The following RPS29 variants were observed in gnomAD, a reference collection of about 807,000 sequenced individuals.
The protein encoded by RPS29 is small ribosomal subunit protein uS14.
For synonymous variants in RPS29, 37 were observed against 26.9 expected, an observed-to-expected ratio of 1.37 and a Z score of -1.16; for missense variants, 60 against 75.7, an observed-to-expected ratio of 0.79 and a Z score of 0.77.
chr14:49,582,589 G>A (rs1881372261), downstream of RPS29, among the ~76,000 whole-genome samples: 1 of 152,226 alleles, frequency 6.6e-6, no homozygotes, highest in East Asian at 1.9e-4. Context: ...ATTCACTACA[G>A]AATTCTGCAT....
At chr14:49,589,115 G>A (rs1365741691), upstream of RPS29, among the ~76,000 whole-genome samples, 1 of 151,622 alleles carries the variant, frequency 6.6e-6, no homozygotes, top group Non-Finnish European at 1.5e-5. Flanking sequence ...GGATGGTCTC[G>A]ATCTCCTGAC....
intron 1 of RPS29, among the ~76,000 whole-genome samples, chr14:49,597,311 G>A (rs1402496854): frequency 1.3e-5 from 2 of 152,068 alleles, no homozygotes; most frequent in African/African-American, 4.8e-5. Flanking sequence ...CCTGCCTCGA[G>A]CCTCCCAAAT....
chr14:49,588,895 TTTTTTTTG>T, upstream of RPS29, among the ~76,000 whole-genome samples: 1 of 123,168 alleles, frequency 8.1e-6, no homozygotes, highest in Non-Finnish European at 1.8e-5. Context: ...TTTTTTTTTT[TTTTTTTTG>T]AGACGGAGTC....
chr14:49,583,538 T>C, downstream of RPS29: 4 of 943,140 alleles, frequency 4.2e-6, no homozygotes, highest in Non-Finnish European at 6.2e-6. Flanking sequence ...TATAAACAAT[T>C]AGCTATTCCA....
exon 3 of RPS29, chr14:49,577,697 T>A: frequency 1.2e-6 from 1 of 848,998 alleles, no homozygotes; most frequent in Non-Finnish European, 2.0e-6. Context: ...TTTCCACCAG[T>A]TACCCTTAAT....
At chr14:49,580,448 C>A (rs1218990201), downstream of RPS29, among the ~76,000 whole-genome samples, 1 of 152,178 alleles carries the variant, frequency 6.6e-6, no homozygotes, top group Non-Finnish European at 1.5e-5. Context: ...ATCACATACA[C>A]CTGGGGTTCA....
intron 2 of RPS29, 66 bp from the exon 3 acceptor site, chr14:49,583,741 A>C: frequency 9.8e-7 from 1 of 1,018,832 alleles, no homozygotes; most frequent in South Asian, 1.4e-5. Context: ...TCTCACAAAA[A>C]AAAGGCTCAT....
intron 1 of RPS29, among the ~76,000 whole-genome samples, chr14:49,591,619 A>ATTTTTTTTTTTTTTTTTTTTTTTTTTATT (rs35067386): frequency 8.5e-6 from 1 of 117,076 alleles, no homozygotes; most frequent in Non-Finnish European, 1.8e-5. Flanking sequence ...GCCCAATTTG[A>ATTTTTTTTTTTTTTTTTTTTTTTTTTATT]TTTTTTTTTT....
At chr14:49,588,876 C>CTTTTTT (rs577408713), upstream of RPS29, among the ~76,000 whole-genome samples, 4 of 92,466 alleles carry the variant, frequency 4.3e-5, 1 homozygote, top group Non-Finnish European at 9.0e-5. Flanking sequence ...TTTCTGAGTC[C>CTTTTTT]TTTTTTTTTT....
rs150721603 is a variant in RPS29, at chr14:49,594,645, C to A, written c.-133+3755G>T. ...CCAGAAAGGCAAAAAGGAAAGGGCT[C>A]ATGTTTGTATGTCTGAGATAAGAAC... On this transcript the variant is annotated intron_variant, in intron 1 of 3. Coordinates refer to the RPS29 transcript ENST00000556230. Among the ~76,000 whole-genome samples the A allele has an allele frequency of 8.5e-4, 130 of 152,344 alleles. 1 individual carries two copies. The highest frequency in any genetic ancestry group is 3.0e-3 in the African/African-American group (125 of 41,576).
intron 1 of RPS29, among the ~76,000 whole-genome samples, chr14:49,592,823 G>A (rs1351420079): frequency 1.3e-5 from 2 of 151,430 alleles, no homozygotes; most frequent in African/African-American, 2.4e-5. Flanking sequence ...CAGGAGAATC[G>A]TTTGAACCCA....
chr14:49,579,278 C>A (rs1594568050), downstream of RPS29, among the ~76,000 whole-genome samples: 1 of 152,342 alleles, frequency 6.6e-6, no homozygotes, highest in Non-Finnish European at 1.5e-5. Flanking sequence ...GACATGAAAT[C>A]TACCAGCACC....
rs889683820 is a variant in RPS29 at position 49,586,158 on chromosome 14, A to C, written c.63-109T>G. ...CTCCCAAGCCACAGTACAGGCCTGT[A>C]ATGGCGGCACCAGCGACTCCCAGTC... On this transcript the variant is annotated intron_variant, in intron 1 of 2. Transcript: ENST00000245458. The C allele has an allele frequency of 6.5e-6, 9 of 1,386,412 alleles. No homozygotes were observed. In the African/African-American group the frequency reaches 9.9e-5, roughly 15 times the overall value. 85.9% of individuals were successfully genotyped at this position (1,386,412 alleles called of 1,614,324 possible).
In RPS29 at chr14:49,598,427, G is replaced by A. The variant is rs780853685; in HGVS notation, c.-160C>T. Reference sequence around the variant, plus strand: ...GCCATGAAAAATTATTTGTTCAGCAGGAATTGCCAAGTCAAATACAGCCAT... The same window carrying A: ...GCCATGAAAAATTATTTGTTCAGCAAGAATTGCCAAGTCAAATACAGCCAT... On this transcript the variant is annotated 5_prime_UTR_variant, in exon 1 of 4. Transcript: ENST00000556230. 4 of 700,936 alleles carry A rather than the reference G, an allele frequency of 5.7e-6. No homozygotes were observed. The South Asian group carries it at 5.9e-5, about 10-fold the overall frequency. 43.4% of individuals were successfully genotyped at this position (700,936 alleles called of 1,614,324 possible).
At chr14:49,596,175 A>G (rs1439563237) in intron 1 of RPS29, among the ~76,000 whole-genome samples, 2 of 152,366 alleles carry the variant, frequency 1.3e-5, no homozygotes, top group East Asian at 1.9e-4. Flanking sequence ...CTGGGATTTG[A>G]TCATATTAAT....
At chr14:49,590,268 G>C (rs976415142), upstream of RPS29, among the ~76,000 whole-genome samples, 7 of 151,684 alleles carry the variant, frequency 4.6e-5, no homozygotes, top group African/African-American at 1.7e-4. Flanking sequence ...ACAAGGTCAG[G>C]AGTTCTAGAC....
downstream of RPS29, among the ~76,000 whole-genome samples, chr14:49,582,360 C>T (rs1046376719): frequency 5.9e-5 from 9 of 152,194 alleles, no homozygotes; most frequent in African/African-American, 2.2e-4. Context: ...ACTCTTCAGC[C>T]ACAACTTTGC....
upstream of RPS29, among the ~76,000 whole-genome samples, chr14:49,589,825 T>C (rs1179507785): frequency 1.3e-5 from 2 of 152,162 alleles, no homozygotes; most frequent in African/African-American, 4.8e-5. Context: ...ATAAAGAAAA[T>C]GTAGTACATA....
downstream of RPS29, among the ~76,000 whole-genome samples, chr14:49,581,938 C>G (rs1438837565): frequency 1.3e-5 from 2 of 148,414 alleles, no homozygotes; most frequent in Non-Finnish European, 3.0e-5. Flanking sequence ...GGAAGGATAG[C>G]TTGAGCCCAA....
Sources: gnomAD v4.1 joint callset for allele counts (sites outside exome capture counted in the v4.1 genomes callset) on GRCh38, gnomAD v4.1.1 for gene constraint, MANE v1.5 for transcripts, NCBI Gene and HGNC (gene_info 2026-07-23, HGNC 2026-07-21) for gene names.